The following LUC7L variants were observed in gnomAD, a reference collection of about 807,000 sequenced individuals.
The protein encoded by LUC7L is LUC7 like.
Under a neutral mutation model 51.1 loss-of-function variants are expected in LUC7L, and 29 were observed. That is an observed-to-expected ratio of 0.57 (90% CI 0.42 to 0.77). The LOEUF (loss-of-function observed/expected upper bound fraction) is 0.77, where lower values mean the gene tolerates loss of function less well. Ranked by LOEUF, LUC7L falls within the 30% of genes least tolerant of loss-of-function variation. The probability of loss-of-function intolerance (pLI) is 0.00; values close to 1 mark genes in which losing one functional copy is unlikely to be tolerated. For missense variants in LUC7L, 403 were observed against 511.9 expected, an observed-to-expected ratio of 0.79 and a Z score of 2.05; for synonymous variants, 181 against 180.7, an observed-to-expected ratio of 1.00 and a Z score of -0.01.
intron 4 of LUC7L, among the ~76,000 whole-genome samples, chr16:207,064 T>G (rs2049503529): frequency 6.6e-6 from 1 of 151,738 alleles, no homozygotes; most frequent in African/African-American, 2.4e-5. Context: ...CTGGGCGTGG[T>G]GGTGGGCACC....
intron 5 of LUC7L, among the ~76,000 whole-genome samples, chr16:205,168 A>G (rs945380489): frequency 3.9e-5 from 6 of 152,156 alleles, no homozygotes; most frequent in African/African-American, 1.4e-4. Context: ...ATGGTCTGTA[A>G]GCGTTTGCAT....
intron 6 of LUC7L, among the ~76,000 whole-genome samples, chr16:193,805 AC>A (rs2049076341): frequency 1.8e-5 from 2 of 110,770 alleles, no homozygotes; most frequent in African/African-American, 6.3e-5. Context: ...GTTTACATTT[AC>A]TTTTTTTTTT....
At chr16:215,226 G>T (rs542389907) in intron 3 of LUC7L, among the ~76,000 whole-genome samples, 4 of 152,052 alleles carry the variant, frequency 2.6e-5, no homozygotes, top group Non-Finnish European at 4.4e-5. Flanking sequence ...AATGGATCAC[G>T]CCTGTAATCC....
At chr16:207,973 C>T in intron 4 of LUC7L, 105 bp downstream of exon 4, 1 of 703,878 alleles carries the variant, frequency 1.4e-6, no homozygotes, top group Non-Finnish European at 2.4e-6. Flanking sequence ...CATGCCACTG[C>T]ACTCCAGCCT....
At chr16:228,224 T>G (rs541926316) in intron 1 of LUC7L, 2 of 1,295,186 alleles carry the variant, frequency 1.5e-6, no homozygotes, top group East Asian at 5.6e-5. Context: ...ATTAATGTAG[T>G]GTCTTTTTAT....
intron 6 of LUC7L, among the ~76,000 whole-genome samples, chr16:195,151 G>A (rs146690832): frequency 2.0e-5 from 3 of 152,196 alleles, no homozygotes; most frequent in Non-Finnish European, 4.4e-5. Flanking sequence ...ATTTAAGCCA[G>A]GTACGGTGGC....
At chr16:212,510 G>T (rs2049672369) in intron 3 of LUC7L, among the ~76,000 whole-genome samples, 1 of 152,098 alleles carries the variant, frequency 6.6e-6, no homozygotes, top group Non-Finnish European at 1.5e-5. Context: ...CTTGCCCAGG[G>T]TCACACAGGG....
At chr16:201,983 A>T (rs901877569) in intron 5 of LUC7L, among the ~76,000 whole-genome samples, 2 of 151,970 alleles carry the variant, frequency 1.3e-5, no homozygotes, top group Non-Finnish European at 1.5e-5. Context: ...ACCTCAGGTG[A>T]TGCACCTACC....
At position 198,972 on chromosome 16, in the gene LUC7L, G is replaced by A. The variant is rs551470756; in HGVS notation, c.687+90C>T. 6.2e-5 allele frequency: 82 copies of A among 1,331,950 alleles called. No individual in the cohort carries two copies. The African/African-American group carries it at 1.0e-3, about 17-fold the overall frequency. 82.5% of individuals were successfully genotyped at this position (1,331,950 alleles called of 1,614,324 possible). On this transcript the variant is annotated intron_variant, in intron 6 of 9. Transcript: ENST00000293872. ...TGGGATTATAGGCATCAGCCACCAC[G>A]CCCGGCCAAAACATAAGGTTTTTAA...
chr16:199,477 G>C (rs890874467), intron 5 of LUC7L, among the ~76,000 whole-genome samples: 4 of 152,130 alleles, frequency 2.6e-5, no homozygotes, highest in Non-Finnish European at 5.9e-5. Flanking sequence ...ATGTGGTCAA[G>C]AGATCAAGAC....
At chr16:225,437 G>A (rs909546682) in intron 2 of LUC7L, among the ~76,000 whole-genome samples, 34 of 149,208 alleles carry the variant, frequency 2.3e-4, no homozygotes, top group Non-Finnish European at 4.2e-4. Flanking sequence ...GGTGAGCCAC[G>A]ATCACATCAC....
intron 7 of LUC7L, among the ~76,000 whole-genome samples, chr16:191,473 C>G (rs2049007026): frequency 6.6e-6 from 1 of 151,804 alleles, no homozygotes; most frequent in Admixed American, 6.6e-5. Flanking sequence ...AAACTCCATG[C>G]AAAAAATGGA....
At chr16:218,180 T>A (rs2049862207) in intron 3 of LUC7L, among the ~76,000 whole-genome samples, 1 of 150,606 alleles carries the variant, frequency 6.6e-6, no homozygotes, top group Non-Finnish European at 1.5e-5. Context: ...GCAACAACAG[T>A]GACACTCCGT....
At position 190,756 on chromosome 16, in the gene LUC7L, T is replaced by C. The variant is rs2048990766; in HGVS notation, c.777-186A>G. ...CTGGCCAGGCGTGGTGGCGGGTGCC[T>C]GTAATCCCAGCTACTCAGGAGACTG... On this transcript the variant is annotated intron_variant, in intron 7 of 9. Coordinates refer to ENST00000293872, the MANE Select transcript of LUC7L (RefSeq NM_201412.3). 8.4e-6 allele frequency: 5 copies of C among 596,436 alleles called. No individual in the cohort carries two copies. The South Asian group carries it at 1.1e-4, about 13-fold the overall frequency. 36.9% of individuals were successfully genotyped at this position (596,436 alleles called of 1,614,324 possible). A position where few individuals can be genotyped will look rare whatever the true frequency, so the allele number is the denominator to read the frequency against.
At chr16:208,210 G>A (rs879800200) in intron 3 of LUC7L, 22 bp from the exon 4 acceptor site, 31 of 1,522,532 alleles carry the variant, frequency 2.0e-5, no homozygotes, top group South Asian at 5.6e-5. Flanking sequence ...AAAGCACAGC[G>A]CTATAATCAA....
rs768158292 is a variant in LUC7L, at chr16:215,292, C to T, written c.255+5357G>A. 1.6e-3 allele frequency among the ~76,000 whole-genome samples: 242 copies of T among 152,088 alleles called. 1 individual carries two copies. Among genetic ancestry groups the T allele is most frequent in the Non-Finnish European group, 1.9e-3 (126 of 67,976 alleles). On this transcript the variant is annotated intron_variant, in intron 3 of 9. Transcript: ENST00000293872. ...CACAAGGTCAGGAGCTTGAGACCATCCTCGCTAACATGGTGAAACCCTGCC... is the reference window on the plus strand; with the variant it reads ...CACAAGGTCAGGAGCTTGAGACCATTCTCGCTAACATGGTGAAACCCTGCC...
At chr16:204,896 G>A (rs554031547) in intron 5 of LUC7L, among the ~76,000 whole-genome samples, 103 of 152,192 alleles carry the variant, frequency 6.8e-4, no homozygotes, top group Non-Finnish European at 1.1e-3. Context: ...GATGAAAAAC[G>A]CCTAGGAACC....
At chr16:220,976 T>C (rs1046455159) in intron 2 of LUC7L, among the ~76,000 whole-genome samples, 2 of 152,182 alleles carry the variant, frequency 1.3e-5, no homozygotes, top group African/African-American at 4.8e-5. Context: ...AAAGTTTCTA[T>C]TTTAGACCCA....
intron 6 of LUC7L, among the ~76,000 whole-genome samples, chr16:197,139 C>A (rs1424337617): frequency 6.6e-6 from 1 of 150,584 alleles, no homozygotes; most frequent in Admixed American, 6.6e-5. Context: ...ATCTCCTGAC[C>A]CAGTGATCTG....
Sources: gnomAD v4.1 joint callset for allele counts (sites outside exome capture counted in the v4.1 genomes callset) on GRCh38, gnomAD v4.1.1 for gene constraint, MANE v1.5 for transcripts, NCBI Gene and HGNC (gene_info 2026-07-23, HGNC 2026-07-21) for gene names.